CLPX: variants seen among roughly 807,000 people sequenced by gnomAD.
The protein encoded by CLPX is ATP-dependent clpX-like chaperone, mitochondrial.
Under a neutral mutation model 76.4 loss-of-function variants are expected in CLPX, and 34 were observed. That is an observed-to-expected ratio of 0.45 (90% CI 0.34 to 0.59). The LOEUF (loss-of-function observed/expected upper bound fraction) is 0.59, where lower values mean the gene tolerates loss of function less well. Ranked by LOEUF, CLPX falls within the 20% of genes least tolerant of loss-of-function variation. The pLI, the probability that CLPX is intolerant of heterozygous loss-of-function variation, is 0.01. For missense variants in CLPX, 613 were observed against 757.0 expected (o/e 0.81, Z 2.23); for synonymous variants, 248 against 270.9 (o/e 0.92, Z 0.83).
chr15:65,166,047 T>C (rs901999695), intron 4 of CLPX, among the ~76,000 whole-genome samples: 1 of 152,154 alleles, frequency 6.6e-6, no homozygotes, highest in African/African-American at 2.4e-5. Context: ...AAATACCCAA[T>C]GGAGCTGGTG....
At chr15:65,152,373 G>C (rs902337455) in intron 13 of CLPX, 57 bp downstream of exon 13, 1 of 669,442 alleles carries the variant, frequency 1.5e-6, no homozygotes, top group African/African-American at 1.9e-5. Flanking sequence ...AATAAACATA[G>C]CAATGAGGAG....
At position 65,185,190 on chromosome 15, in the gene CLPX, G is replaced by T; in HGVS notation, c.-37C>A. 6.6e-7 allele frequency: 1 copy of T among 1,519,654 alleles called. No individual in the cohort carries two copies. Among genetic ancestry groups the T allele is most frequent in the Non-Finnish European group, 8.9e-7 (1 of 1,119,416 alleles). 94.1% of individuals were successfully genotyped at this position (1,519,654 alleles called of 1,614,324 possible). ...CTAGGCCGGGGCTTCGCCCCCTGAG[G>T]ACCTCCGGGTCACAGCGGCGTGAAT... On this transcript the variant is annotated 5_prime_UTR_variant, in exon 1 of 14. Transcript: ENST00000300107.
chr15:65,185,000 C>T (rs1184704552), intron 1 of CLPX, 75 bp downstream of exon 1: 5 of 1,343,592 alleles, frequency 3.7e-6, no homozygotes, highest in Non-Finnish European at 5.2e-6. Flanking sequence ...GTGCCCTCCC[C>T]GGGGCCCCCA....
At chr15:65,176,876 T>C (rs916604733) in intron 3 of CLPX, among the ~76,000 whole-genome samples, 14 of 152,000 alleles carry the variant, frequency 9.2e-5, no homozygotes, top group African/African-American at 2.7e-4. Flanking sequence ...ATTACAGGTG[T>C]AAGCCACCGC....
Position 65,164,103 on chromosome 15 carries a change from C to A in CLPX, c.599G>T (p.Arg200Ile). The A allele has an allele frequency of 1.2e-6, 2 of 1,612,826 alleles. No homozygotes were observed. Among genetic ancestry groups the A allele is most frequent in the Non-Finnish European group, 1.7e-6 (2 of 1,179,118 alleles). Reference protein sequence around the residue: ...LSVAVYNHYKRIYNNIPANLR... With the variant: ...LSVAVYNHYKIIYNNIPANLR... Reference sequence around the variant, plus strand: ...ATTAGCTGGGATATTATTATATATTCTCTTATAATGATTGTACACAGCAAC... The same window carrying A: ...ATTAGCTGGGATATTATTATATATTATCTTATAATGATTGTACACAGCAAC... The change falls in exon 5 of 14, where the codon AGA (arginine) becomes ATA (isoleucine). Residue 200 changes from arginine to isoleucine, a missense_variant. Coordinates refer to ENST00000300107, the MANE Select transcript of CLPX (RefSeq NM_006660.5).
At chr15:65,155,577 A>T (rs1040833494) in intron 10 of CLPX, 115 bp downstream of exon 10, 1 of 887,432 alleles carries the variant, frequency 1.1e-6, no homozygotes, top group African/African-American at 1.7e-5. Context: ...CTCTAAGAAA[A>T]CCCAACTCTT....
intron 12 of CLPX, 74 bp downstream of exon 12, chr15:65,153,473 A>G: frequency 1.1e-6 from 1 of 933,150 alleles, no homozygotes; most frequent in South Asian, 1.5e-5. Context: ...TTTCCAAAAG[A>G]AAAACAGGGA....
At chr15:65,177,807 CTTT>C (rs1309899863) in intron 3 of CLPX, among the ~76,000 whole-genome samples, 3 of 151,954 alleles carry the variant, frequency 2.0e-5, no homozygotes, top group Non-Finnish European at 1.5e-5. Context: ...TTTTTTCCTT[CTTT>C]TTTTCTTTTT....
intron 1 of CLPX, among the ~76,000 whole-genome samples, chr15:65,183,497 C>G (rs969619271): frequency 6.2e-5 from 8 of 128,418 alleles, no homozygotes; most frequent in Non-Finnish European, 1.3e-4. Flanking sequence ...GAAAATAAGA[C>G]AGACAGAAAG....
chr15:65,161,668 T>C (rs1321660892), intron 6 of CLPX, among the ~76,000 whole-genome samples: 2 of 152,214 alleles, frequency 1.3e-5, no homozygotes, highest in African/African-American at 4.8e-5. Flanking sequence ...GAGTATGGTA[T>C]TGACTGCATA....
intron 1 of CLPX, 69 bp downstream of exon 1, chr15:65,185,006 C>G: frequency 7.1e-7 from 1 of 1,405,102 alleles, no homozygotes; most frequent in Non-Finnish European, 9.9e-7. Context: ...TCCCCGGGGC[C>G]CCCAACCATT....
At position 65,150,782 on chromosome 15, in the gene CLPX, AAGAAGG is replaced by A. The variant is rs1322144635; in HGVS notation, c.*35_*40del. 7.2e-7 allele frequency: 1 copy of A among 1,381,084 alleles called. No individual in the cohort carries two copies. 85.6% of individuals were successfully genotyped at this position (1,381,084 alleles called of 1,614,324 possible). The stretch of plus-strand genomic sequence containing the variant: ...TAGAGACAATTATGATCCTAAACAA[AAGAAGG>A]AAAAGCTGTATATACAAGACAGCAA... On this transcript the variant is annotated 3_prime_UTR_variant, in exon 14 of 14. Coordinates refer to ENST00000300107, the MANE Select transcript of CLPX (RefSeq NM_006660.5).
At chr15:65,158,464 T>C in intron 7 of CLPX, 111 bp downstream of exon 7, 1 of 877,332 alleles carries the variant, frequency 1.1e-6, no homozygotes, top group Non-Finnish European at 1.7e-6. Context: ...TGACTGGCCT[T>C]AGATTTTCTT....
chr15:65,180,483 T>A lies in CLPX; in HGVS notation c.80-279A>T, dbSNP rs375651929. Among the ~76,000 whole-genome samples the A allele has an allele frequency of 4.6e-5, 7 of 152,298 alleles. No homozygotes were observed. The South Asian group carries it at 6.2e-4, about 14-fold the overall frequency. On this transcript the variant is annotated intron_variant, in intron 1 of 13. Transcript: ENST00000300107. ...CACCCACGTCATAACTTTTTCAAAG[T>A]TTGAATGGACTTCAACATCTGCCTC...
At chr15:65,157,595 A>C (rs924198174) in intron 8 of CLPX, 151 bp downstream of exon 8, 9 of 766,400 alleles carry the variant, frequency 1.2e-5, no homozygotes, top group Admixed American at 3.2e-5. Flanking sequence ...TGTGGCCCTT[A>C]ATCAGTATGC....
At chr15:65,176,512 T>C (rs2088092866) in intron 3 of CLPX, among the ~76,000 whole-genome samples, 1 of 152,168 alleles carries the variant, frequency 6.6e-6, no homozygotes, top group South Asian at 2.1e-4. Context: ...GGTGCAAGAA[T>C]AAAACTATAT....
At chr15:65,180,550 T>G (rs2088152864) in intron 1 of CLPX, among the ~76,000 whole-genome samples, 1 of 137,562 alleles carries the variant, frequency 7.3e-6, no homozygotes, top group Non-Finnish European at 1.7e-5. Flanking sequence ...CCCTATATTC[T>G]TATTATTTCT....
chr15:65,166,508 A>C (rs889381190), intron 4 of CLPX, 123 bp downstream of exon 4: 2 of 1,036,918 alleles, frequency 1.9e-6, no homozygotes, highest in East Asian at 4.9e-5. Context: ...CATATGGTCC[A>C]TATTATGAAC....
At chr15:65,157,595 AATCAG>A in intron 8 of CLPX, 146 bp downstream of exon 8, 1 of 766,518 alleles carries the variant, frequency 1.3e-6, no homozygotes. Flanking sequence ...TGTGGCCCTT[AATCAG>A]TATGCTAGAA....
Sources: allele counts gnomAD v4.1 joint callset (sites outside exome capture counted in the v4.1 genomes callset), GRCh38; gene constraint gnomAD v4.1.1; transcripts MANE v1.5; gene names NCBI Gene and HGNC (gene_info 2026-07-23, HGNC 2026-07-21).